The following CNTN3 variants were observed in gnomAD, a reference collection of about 807,000 sequenced individuals.
The protein encoded by CNTN3 is contactin-3.
A neutral mutation model predicts 119.1 loss-of-function variants in CNTN3; 60 were observed. The observed-to-expected ratio is 0.50, with a 90% CI of 0.41 to 0.62. The LOEUF (loss-of-function observed/expected upper bound fraction) is 0.62, where lower values mean the gene tolerates loss of function less well. CNTN3 is among the 20% of genes least tolerant of loss of function. The pLI, the probability that CNTN3 is intolerant of heterozygous loss-of-function variation, is 0.00. For missense variants in CNTN3, 1,101 were observed against 1,242.4 expected, an observed-to-expected ratio of 0.89 and a Z score of 1.71; for synonymous variants, 450 against 438.7, an observed-to-expected ratio of 1.03 and a Z score of -0.32.
At chr3:74,593,862 T>A (rs1223949845) in intron 1 of CNTN3, among the ~76,000 whole-genome samples, 3 of 151,932 alleles carry the variant, frequency 2.0e-5, no homozygotes, top group Non-Finnish European at 4.4e-5. Context: ...ATATTAAATA[T>A]ATATCTCTTC....
At chr3:74,557,091 T>C (rs1575827832) in intron 1 of CNTN3, among the ~76,000 whole-genome samples, 1 of 152,050 alleles carries the variant, frequency 6.6e-6, no homozygotes, top group East Asian at 1.9e-4. Flanking sequence ...GATTGTCTTT[T>C]TACTTCCTAA....
At chr3:74,521,213 G>T in intron 1 of CNTN3, 21 bp from the exon 2 acceptor site, 67 of 335,850 alleles carry the variant, frequency 2.0e-4, no homozygotes, top group Non-Finnish European at 2.5e-4. Context: ...TATGTACAAA[G>T]AAGTTCGTTA....
chr3:74,589,626 T>G (rs1237719205), intron 1 of CNTN3, among the ~76,000 whole-genome samples: 6 of 145,498 alleles, frequency 4.1e-5, no homozygotes, highest in East Asian at 2.0e-4. Flanking sequence ...CAAAGGACTA[T>G]AAATCATGCT....
chr3:74,500,885 A>G (rs1026555867), intron 2 of CNTN3, among the ~76,000 whole-genome samples: 1 of 152,116 alleles, frequency 6.6e-6, no homozygotes, highest in Admixed American at 6.6e-5. Flanking sequence ...GGTAAATGCC[A>G]TAATTATTCC....
At chr3:74,435,796 A>G (rs1308383480) in intron 4 of CNTN3, among the ~76,000 whole-genome samples, 1 of 152,206 alleles carries the variant, frequency 6.6e-6, no homozygotes, top group Non-Finnish European at 1.5e-5. Context: ...GATAAAGCTG[A>G]GATCACATCC....
chr3:74,363,982 A>C (rs1704133269), intron 10 of CNTN3, among the ~76,000 whole-genome samples: 1 of 152,156 alleles, frequency 6.6e-6, no homozygotes, highest in Non-Finnish European at 1.5e-5. Flanking sequence ...AAGTACAAGA[A>C]GAAGATCATC....
At chr3:74,404,125 A>G (rs1435381158) in intron 5 of CNTN3, among the ~76,000 whole-genome samples, 1 of 152,062 alleles carries the variant, frequency 6.6e-6, no homozygotes, top group Admixed American at 6.6e-5. Context: ...CCCCAATACA[A>G]TACTTTGAAT....
At chr3:74,368,899 T>C (rs1022150345) in intron 8 of CNTN3, among the ~76,000 whole-genome samples, 1 of 152,018 alleles carries the variant, frequency 6.6e-6, no homozygotes, top group African/African-American at 2.4e-5. Flanking sequence ...CTCTCTAATG[T>C]GTTTAAGTGT....
At chr3:74,357,562 C>G (rs973859898) in intron 11 of CNTN3, among the ~76,000 whole-genome samples, 6 of 152,040 alleles carry the variant, frequency 3.9e-5, no homozygotes, top group African/African-American at 1.2e-4. Flanking sequence ...GGATTACAGG[C>G]GTGACCCACT....
At chr3:74,272,522 G>C (rs978612470) in intron 20 of CNTN3, among the ~76,000 whole-genome samples, 4 of 152,064 alleles carry the variant, frequency 2.6e-5, no homozygotes, top group Admixed American at 2.6e-4. Context: ...ATAGATGGGG[G>C]AAAAAAACAC....
chr3:74,334,846 C>A lies in CNTN3; in HGVS notation c.1557G>T (p.Leu519Phe). ...GCGGGTCATGTTGTACCTGGCAGGG[C>A]AATATGACGCTTTCACCAACAGAAA... is the stretch of plus-strand genomic sequence containing the variant. ...MDVSVGESVI[L>F]PCQVQHDPLL... The change falls in exon 13 of 23, where the codon TTG becomes TTT. Residue 519 changes from leucine (L) to phenylalanine (F), a missense_variant. Physicochemically the swap from Leu to Phe is conservative, Grantham distance 22. Coordinates refer to ENST00000263665, the MANE Select transcript of CNTN3 (RefSeq NM_020872.3). 1 of 1,613,554 alleles carries A rather than the reference C, an allele frequency of 6.2e-7. No individual in the cohort carries two copies. The highest frequency in any genetic ancestry group is 1.3e-5 in the African/African-American group (1 of 74,960).
chr3:74,346,179 T>C (rs1703683438), intron 11 of CNTN3, among the ~76,000 whole-genome samples: 1 of 152,140 alleles, frequency 6.6e-6, no homozygotes, highest in Non-Finnish European at 1.5e-5. Context: ...TATAAAATTA[T>C]CTAAACTAAG....
At position 74,276,572 on chromosome 3, in the gene CNTN3, A is replaced by C. The variant is rs139485785; in HGVS notation, c.2704+8733T>G. Among the ~76,000 whole-genome samples, 258 of 152,214 alleles carry C rather than the reference A, an allele frequency of 1.7e-3. No individual in the cohort carries two copies. In the South Asian group the frequency reaches 0.02, roughly 12 times the overall value. ...AATGAAATCAAGATGGAAATTAAAG[A>C]ATTATTCGAATTGAACAATACTGAC... On this transcript the variant is annotated intron_variant, in intron 20 of 22. Transcript: ENST00000263665.
intron 13 of CNTN3, among the ~76,000 whole-genome samples, chr3:74,305,457 A>G (rs1169930325): frequency 6.6e-6 from 1 of 152,200 alleles, no homozygotes. Context: ...ATTTTTTACA[A>G]GAATGTTTAT....
At chr3:74,537,575 A>T (rs1703784022) in intron 1 of CNTN3, among the ~76,000 whole-genome samples, 1 of 152,080 alleles carries the variant, frequency 6.6e-6, no homozygotes, top group African/African-American at 2.4e-5. Flanking sequence ...TTGTTTAACC[A>T]TTTTTAACTT....
intron 9 of CNTN3, among the ~76,000 whole-genome samples, chr3:74,365,335 C>T (rs1428531371): frequency 6.6e-6 from 1 of 152,040 alleles, no homozygotes; most frequent in East Asian, 1.9e-4. Context: ...AAATTCACAC[C>T]ATGACTTCTT....
At chr3:74,489,316 G>A (rs998368597) in intron 3 of CNTN3, among the ~76,000 whole-genome samples, 9 of 152,066 alleles carry the variant, frequency 5.9e-5, no homozygotes, top group African/African-American at 2.2e-4. Context: ...ACTGCCTACA[G>A]TAGACACAAG....
chr3:74,511,511 A>G (rs544627885), intron 2 of CNTN3, among the ~76,000 whole-genome samples: 1 of 152,202 alleles, frequency 6.6e-6, no homozygotes, highest in Non-Finnish European at 1.5e-5. Flanking sequence ...TAAGATAAAT[A>G]AATAAATAAA....
chr3:74,393,868 T>C (rs1704978729), intron 5 of CNTN3, among the ~76,000 whole-genome samples: 2 of 152,228 alleles, frequency 1.3e-5, no homozygotes, highest in South Asian at 2.1e-4. Flanking sequence ...TTGTAGCTGA[T>C]ATATCTCTGA....
Sources: gnomAD v4.1 joint callset for allele counts (sites outside exome capture counted in the v4.1 genomes callset) on GRCh38, gnomAD v4.1.1 for gene constraint, MANE v1.5 for transcripts, NCBI Gene and HGNC (gene_info 2026-07-23, HGNC 2026-07-21) for gene names.